The following ELOVL5 variants were observed in gnomAD, a reference collection of about 807,000 sequenced individuals.
The protein encoded by ELOVL5 is very long chain fatty acid elongase 5.
In ELOVL5, 8 loss-of-function variants were observed where a neutral mutation model predicts 38.6. That is an observed-to-expected ratio of 0.21 (90% CI 0.12 to 0.37). ELOVL5 has a LOEUF of 0.37. ELOVL5 is among the 10% of genes least tolerant of loss of function. The pLI is 1.00. For synonymous variants in ELOVL5, 127 were observed against 133.7 expected (o/e 0.95, Z 0.34); for missense variants, 280 against 367.8 (o/e 0.76, Z 1.95).
At position 53,331,423 on chromosome 6, in the gene ELOVL5, T is replaced by C. The variant is rs77853518; in HGVS notation, c.-9+17394A>G. Among the ~76,000 whole-genome samples the C allele has an allele frequency of 9.8e-5, 15 of 152,356 alleles. No individual in the cohort carries two copies. The East Asian group carries it at 2.5e-3, about 25-fold the overall frequency. On this transcript the variant is annotated intron_variant, in intron 1 of 7. Transcript: ENST00000304434. ...TATTATCCCTATCAAGCACTGTATATGGTACGTAATTGTATGTGTGATACT... is the reference window on the plus strand; with the variant it reads ...TATTATCCCTATCAAGCACTGTATACGGTACGTAATTGTATGTGTGATACT...
At chr6:53,341,289 T>C (rs1178624162) in intron 1 of ELOVL5, among the ~76,000 whole-genome samples, 3 of 152,220 alleles carry the variant, frequency 2.0e-5, no homozygotes, top group Non-Finnish European at 4.4e-5. Flanking sequence ...AAGCTATATG[T>C]TGATTATACC....
intron 2 of ELOVL5, among the ~76,000 whole-genome samples, chr6:53,293,593 C>A (rs1766859372): frequency 6.6e-6 from 1 of 152,204 alleles, no homozygotes; most frequent in Non-Finnish European, 1.5e-5. Context: ...ACTGGGATTA[C>A]AGGAGTGAAC....
chr6:53,290,922 C>G (rs1410732026), intron 3 of ELOVL5, among the ~76,000 whole-genome samples: 1 of 152,050 alleles, frequency 6.6e-6, no homozygotes, highest in African/African-American at 2.4e-5. Flanking sequence ...CCCTGAAAAC[C>G]TATACAGGAG....
intron 1 of ELOVL5, among the ~76,000 whole-genome samples, chr6:53,316,228 T>C (rs1768034936): frequency 6.6e-6 from 1 of 152,042 alleles, no homozygotes; most frequent in African/African-American, 2.4e-5. Context: ...AGACCACAAA[T>C]CTGCCTTCAG....
rs1769362706 is a variant in ELOVL5 at position 53,342,232 on chromosome 6, C to G, written c.-9+6585G>C. Among the ~76,000 whole-genome samples the G allele has an allele frequency of 3.3e-5, 5 of 152,286 alleles. 1 individual carries two copies. In the South Asian group the frequency reaches 1.0e-3, roughly 32 times the overall value. ...TTATTTCTTCTGCCAAAGACTGAAG[C>G]AGAAGTACCCTGAATACTACCCCTA... is the stretch of plus-strand genomic sequence containing the variant. On this transcript the variant is annotated intron_variant, in intron 1 of 7. Transcript: ENST00000304434.
intron 3 of ELOVL5, among the ~76,000 whole-genome samples, chr6:53,287,326 T>G (rs1252307727): frequency 2.0e-5 from 3 of 152,210 alleles, no homozygotes; most frequent in Admixed American, 2.0e-4. Flanking sequence ...GAAAATGTGG[T>G]TCCGACATTT....
intron 5 of ELOVL5, among the ~76,000 whole-genome samples, chr6:53,273,778 G>C (rs996158746): frequency 1.3e-5 from 2 of 152,220 alleles, no homozygotes; most frequent in Admixed American, 1.3e-4. Flanking sequence ...GGTGTGGAGA[G>C]GTCTCTGAAG....
chr6:53,298,921 A>AT (rs2073448241), intron 1 of ELOVL5, among the ~76,000 whole-genome samples: 1 of 150,748 alleles, frequency 6.6e-6, no homozygotes, highest in African/African-American at 2.5e-5. Context: ...AGTTGATAAT[A>AT]TATCAGGAGA....
chr6:53,280,688 G>C (rs1766316386), intron 3 of ELOVL5, among the ~76,000 whole-genome samples: 1 of 152,184 alleles, frequency 6.6e-6, no homozygotes, highest in Non-Finnish European at 1.5e-5. Flanking sequence ...CACTTCCTGG[G>C]CTCAAGCCAT....
intron 1 of ELOVL5, among the ~76,000 whole-genome samples, chr6:53,345,009 T>C (rs763139215): frequency 6.6e-6 from 1 of 152,192 alleles, no homozygotes; most frequent in Non-Finnish European, 1.5e-5. Context: ...CAGGCCCTTC[T>C]TAAAGGTGAA....
chr6:53,317,113 A>T (rs1270624988), intron 1 of ELOVL5, among the ~76,000 whole-genome samples: 2 of 152,214 alleles, frequency 1.3e-5, no homozygotes, highest in African/African-American at 2.4e-5. Flanking sequence ...TGCTGTCCTA[A>T]GAAAACATTA....
intron 1 of ELOVL5, among the ~76,000 whole-genome samples, chr6:53,319,099 G>A (rs1362176582): frequency 1.3e-5 from 2 of 151,316 alleles, no homozygotes; most frequent in South Asian, 2.1e-4. Flanking sequence ...GTGAAACCCC[G>A]TCTCTACTAA....
chr6:53,291,096 T>C (rs1438780526), intron 3 of ELOVL5, among the ~76,000 whole-genome samples: 3 of 152,192 alleles, frequency 2.0e-5, no homozygotes, highest in African/African-American at 4.8e-5. Context: ...GGCTATAGTG[T>C]TACCCCTTCA....
chr6:53,270,767 C>A lies in ELOVL5; in HGVS notation c.622-40G>T, dbSNP rs373986125. ...GGGATGCAGCTGAACAGGGACAGTG[C>A]ATGGACGAGGCCCCACACCAGGCAG... On this transcript the variant is annotated intron_variant, in intron 6 of 7. Transcript: ENST00000304434. The A allele has an allele frequency of 2.5e-6, 4 of 1,609,642 alleles. No homozygotes were observed. In the African/African-American group the frequency reaches 5.3e-5, roughly 22 times the overall value.
chr6:53,305,289 C>G (rs1269311636), intron 1 of ELOVL5, among the ~76,000 whole-genome samples: 1 of 139,674 alleles, frequency 7.2e-6, no homozygotes, highest in Non-Finnish European at 1.6e-5. Context: ...GGCAGAGGCG[C>G]CCCTCACCTC....
intron 2 of ELOVL5, among the ~76,000 whole-genome samples, chr6:53,294,855 T>C (rs1483589466): frequency 6.6e-6 from 1 of 152,160 alleles, no homozygotes; most frequent in Admixed American, 6.5e-5. Context: ...GATAAAGTAT[T>C]AGGAGTAGAA....
intron 1 of ELOVL5, among the ~76,000 whole-genome samples, chr6:53,338,634 C>T (rs1769185129): frequency 6.6e-6 from 1 of 152,178 alleles, no homozygotes; most frequent in Non-Finnish European, 1.5e-5. Context: ...AAAGCCTGAG[C>T]TTAAGCAGTC....
At chr6:53,269,293 A>G in intron 7 of ELOVL5, 23 bp from the exon 8 acceptor site, 1 of 1,537,796 alleles carries the variant, frequency 6.5e-7, no homozygotes, top group Non-Finnish European at 8.7e-7. Flanking sequence ...AGGGCAGATG[A>G]GAACCAAATG....
At chr6:53,311,142 A>AT (rs1434499967) in intron 1 of ELOVL5, among the ~76,000 whole-genome samples, 5 of 152,102 alleles carry the variant, frequency 3.3e-5, no homozygotes. Context: ...CAGTTACACA[A>AT]TTTTCTCTTC....
Sources: gnomAD v4.1 joint callset for allele counts (sites outside exome capture counted in the v4.1 genomes callset) on GRCh38, gnomAD v4.1.1 for gene constraint, MANE v1.5 for transcripts, NCBI Gene and HGNC (gene_info 2026-07-23, HGNC 2026-07-21) for gene names.